The following C2CD3 variants were observed in gnomAD, a reference collection of about 807,000 sequenced individuals.
C2CD3 encodes C2 domain containing 3 centriole elongation regulator.
In C2CD3, 148 loss-of-function variants were observed where a neutral mutation model predicts 234.0. The observed-to-expected ratio is 0.63, with a 90% CI of 0.55 to 0.72. The LOEUF is 0.72. Ranked by LOEUF, C2CD3 falls within the 30% of genes least tolerant of loss-of-function variation. The pLI is 0.00. For synonymous variants in C2CD3, 1,000 were observed against 1,035.4 expected (o/e 0.97, Z 0.66); for missense variants, 2,577 against 2,811.5 (o/e 0.92, Z 1.89).
chr11:74,061,573 G>A (rs1161303855), intron 24 of C2CD3, among the ~76,000 whole-genome samples: 1 of 152,164 alleles, frequency 6.6e-6, no homozygotes, highest in African/African-American at 2.4e-5. Context: ...GACAAATGCT[G>A]AGAGATTTTT....
At chr11:74,060,144 C>G (rs984301910) in intron 24 of C2CD3, among the ~76,000 whole-genome samples, 9 of 152,140 alleles carry the variant, frequency 5.9e-5, no homozygotes, top group African/African-American at 2.2e-4. Context: ...TGGAGCCCAT[C>G]GCAGCTCAAG....
intron 20 of C2CD3, among the ~76,000 whole-genome samples, chr11:74,087,433 C>T (rs763703792): frequency 5.3e-5 from 8 of 151,972 alleles, no homozygotes; most frequent in Non-Finnish European, 8.8e-5. Flanking sequence ...GGCGTGGTGG[C>T]GGGCACCTGT....
At chr11:74,150,492 CA>C (rs769668218) in intron 3 of C2CD3, among the ~76,000 whole-genome samples, 3 of 16,236 alleles carry the variant, frequency 1.8e-4, no homozygotes, top group African/African-American at 7.8e-4. Context: ...GACCCTGTCT[CA>C]AAAAAAAAAA....
intron 3 of C2CD3, among the ~76,000 whole-genome samples, chr11:74,144,477 G>A (rs367815655): frequency 5.9e-5 from 9 of 152,124 alleles, no homozygotes; most frequent in Admixed American, 3.9e-4. Context: ...TAGGTTCGGG[G>A]TACATGTGCA....
At chr11:74,050,394 A>T (rs1157562625) in intron 26 of C2CD3, among the ~76,000 whole-genome samples, 1 of 152,154 alleles carries the variant, frequency 6.6e-6, no homozygotes. Flanking sequence ...GACTGAGAAG[A>T]TTCTCTTTTT....
chr11:74,153,116 G>T (rs1439943422), intron 3 of C2CD3, among the ~76,000 whole-genome samples: 1 of 152,082 alleles, frequency 6.6e-6, no homozygotes, highest in African/African-American at 2.4e-5. Flanking sequence ...TACTCAGAAG[G>T]CTGAGGCAGG....
At chr11:74,027,307 C>T (rs1048967983) in intron 32 of C2CD3, among the ~76,000 whole-genome samples, 1 of 152,118 alleles carries the variant, frequency 6.6e-6, no homozygotes, top group African/African-American at 2.4e-5. Context: ...GGGGTTTTGC[C>T]ATGTTGGCCA....
intron 7 of C2CD3, among the ~76,000 whole-genome samples, chr11:74,127,923 C>T (rs1181201707): frequency 1.3e-5 from 2 of 151,076 alleles, no homozygotes; most frequent in Non-Finnish European, 2.9e-5. Context: ...AGTGTAGTGG[C>T]GCGATCTCGG....
At position 74,103,149 on chromosome 11, in the gene C2CD3, C is replaced by G; in HGVS notation, c.2562G>C (p.Pro854=). The change falls in exon 14 of 33, where the codon CCG becomes CCC. Residue 854 remains proline (P), a synonymous_variant. Transcript: ENST00000334126. The stretch of plus-strand genomic sequence containing the variant: ...AAGTTACCTGAGAAAAGTTAAAGAC[C>G]GGTTGTGTTGTGCCCCATGCGATGA... ...RSVIAWGTTQ[P]VFNFSQVIPV... The G allele has an allele frequency of 6.2e-7, 1 of 1,611,382 alleles. No homozygotes were observed. Among genetic ancestry groups the G allele is most frequent in the Non-Finnish European group, 8.5e-7 (1 of 1,177,934 alleles).
chr11:74,065,814 CA>C (rs1266984642), intron 24 of C2CD3, among the ~76,000 whole-genome samples: 2 of 146,716 alleles, frequency 1.4e-5, no homozygotes, highest in Non-Finnish European at 3.0e-5. Flanking sequence ...ATCCCAAGAA[CA>C]AAAAAACCAA....
At chr11:74,100,717 C>T in intron 14 of C2CD3, 41 bp from the exon 15 acceptor site, 4 of 1,523,814 alleles carry the variant, frequency 2.6e-6, no homozygotes, top group Admixed American at 2.0e-5. Context: ...AAAACTCATA[C>T]CTGAGACAAA....
At chr11:74,048,921 A>G (rs1372133796) in intron 27 of C2CD3, among the ~76,000 whole-genome samples, 3 of 152,230 alleles carry the variant, frequency 2.0e-5, no homozygotes, top group Non-Finnish European at 4.4e-5. Flanking sequence ...TCCTTGAAAG[A>G]GTTGTCTACG....
Position 74,095,424 on chromosome 11 carries a change from G to C in C2CD3, c.2980-16C>G. The C allele has an allele frequency of 6.2e-7, 1 of 1,600,664 alleles. No individual in the cohort carries two copies. Among genetic ancestry groups the C allele is most frequent in the Non-Finnish European group, 8.5e-7 (1 of 1,172,328 alleles). On this transcript the variant is annotated splice_polypyrimidine_tract_variant and intron_variant, in intron 16 of 32. Coordinates refer to ENST00000334126, the MANE Select transcript of C2CD3 (RefSeq NM_001286577.2). Reference sequence around the variant, plus strand: ...GGTCCTCTGCCTATTAAATGAAACAGAAACACTGGTGAGCTTTAAAGAGTA... The same window carrying C: ...GGTCCTCTGCCTATTAAATGAAACACAAACACTGGTGAGCTTTAAAGAGTA...
Position 74,100,536 on chromosome 11 carries a change from G to T in C2CD3, c.2721C>A (p.Tyr907Ter), listed in dbSNP as rs1956274520. The change falls in exon 15 of 33, where the codon TAC becomes TAA. Residue 907 changes from tyrosine to a stop codon, truncating the protein, a stop_gained. Transcript: ENST00000334126. LOFTEE classifies it high-confidence loss of function. ...GLVKLPLHQF[Y>*]MSFKDAKISR... ...AAGGTCCTATTTACTTGAATGACAT[G>T]TAAAACTGGTGGAGGGGAAGTTTCA... 1 of 1,610,856 alleles carries T rather than the reference G, an allele frequency of 6.2e-7. No homozygotes were observed. Among genetic ancestry groups the T allele is most frequent in the Non-Finnish European group, 8.5e-7 (1 of 1,179,142 alleles).
At chr11:74,119,168 C>T (rs577366353) in intron 8 of C2CD3, among the ~76,000 whole-genome samples, 6 of 152,196 alleles carry the variant, frequency 3.9e-5, no homozygotes, top group Non-Finnish European at 8.8e-5. Flanking sequence ...TCTCAGCCTC[C>T]CAAAGTGCTG....
intron 3 of C2CD3, among the ~76,000 whole-genome samples, chr11:74,143,383 C>T (rs1290842248): frequency 1.3e-5 from 2 of 151,714 alleles, no homozygotes; most frequent in African/African-American, 2.4e-5. Context: ...GACAGGGTCT[C>T]GCTCTGTCAC....
At chr11:74,082,780 C>T (rs546297869) in intron 22 of C2CD3, among the ~76,000 whole-genome samples, 12 of 152,038 alleles carry the variant, frequency 7.9e-5, no homozygotes, top group Admixed American at 5.9e-4. Flanking sequence ...CACTGCTTAA[C>T]GAAATAAAAG....
chr11:74,109,049 T>A lies in C2CD3; in HGVS notation c.1947A>T (p.Lys649Asn). ...SNLTFQIYVK[K>N]TPQKKPEVIG... ...CTCAAAGTACCTTTTTCTGTGGAGT[T>A]TTCTTTACATAAATTTGGAAAGTGA... Residue 649 changes from lysine (K) to asparagine (N), a missense_variant, in exon 12 of 33, where the codon AAA (lysine) becomes AAT (asparagine). Lys to Asn is a moderately conservative substitution (Grantham distance 94, BLOSUM62 0). Transcript: ENST00000334126. The A allele has an allele frequency of 6.3e-7, 1 of 1,591,984 alleles. No homozygotes were observed. Among genetic ancestry groups the A allele is most frequent in the Non-Finnish European group, 8.6e-7 (1 of 1,162,016 alleles).
At chr11:74,097,948 T>C in intron 16 of C2CD3, 61 bp downstream of exon 16, 1 of 1,534,658 alleles carries the variant, frequency 6.5e-7, no homozygotes, top group Non-Finnish European at 8.9e-7. Flanking sequence ...GGCAATAAAT[T>C]CACTAAAATA....
Sources: allele counts gnomAD v4.1 joint callset (sites outside exome capture counted in the v4.1 genomes callset), GRCh38; gene constraint gnomAD v4.1.1; transcripts MANE v1.5; gene names NCBI Gene and HGNC (gene_info 2026-07-23, HGNC 2026-07-21).